Variants in REDIC1 observed in about 807,000 individuals in gnomAD.
REDIC1 encodes the protein regulator of DNA class I crossover intermediates 1, also known as HEI10 Interacting Protein 1.
At chr12:39,626,317 G>A in the REDIC1 span, 3 of 1,614,076 alleles carry the variant, frequency 1.9e-6, no homozygotes, top group Non-Finnish European at 2.5e-6. Context: ...AGGGACCTCA[G>A]TGTCAAAAGA....
At chr12:39,769,870 G>A in the REDIC1 span, among the ~76,000 whole-genome samples, 2 of 151,980 alleles carry the variant, frequency 1.3e-5, no homozygotes, top group African/African-American at 4.8e-5. Context: ...CACCCTCCCA[G>A]ATGCTGGCTA....
chr12:39,856,408 C>T, the REDIC1 span, among the ~76,000 whole-genome samples: 7 of 152,100 alleles, frequency 4.6e-5, no homozygotes, highest in Non-Finnish European at 1.0e-4. Context: ...CTCACTCTGT[C>T]GCCAGGCTGG....
chr12:39,682,814 ACT>A, the REDIC1 span: 2 of 1,612,320 alleles, frequency 1.2e-6, no homozygotes, highest in Non-Finnish European at 1.7e-6. Context: ...GAGAATTGTG[ACT>A]CTTTTGTTAG....
chr12:39,892,497 A>G, the REDIC1 span, among the ~76,000 whole-genome samples: 38 of 152,216 alleles, frequency 2.5e-4, no homozygotes, highest in Non-Finnish European at 4.3e-4. Context: ...CTGACGCTTA[A>G]CCGAACTTTA....
the REDIC1 span, among the ~76,000 whole-genome samples, chr12:39,715,191 T>G: frequency 6.6e-6 from 1 of 152,052 alleles, no homozygotes; most frequent in Non-Finnish European, 1.5e-5. Context: ...TTTTTATAAT[T>G]TCAAGTCTTA....
chr12:39,900,423 G>A, the REDIC1 span, among the ~76,000 whole-genome samples: 3 of 152,028 alleles, frequency 2.0e-5, no homozygotes, highest in South Asian at 2.1e-4. Flanking sequence ...TGACATGATC[G>A]TATATCTAGA....
chr12:39,781,404 T>A, the REDIC1 span, among the ~76,000 whole-genome samples: 1 of 152,058 alleles, frequency 6.6e-6, no homozygotes, highest in African/African-American at 2.4e-5. Flanking sequence ...CCCTCCAGCC[T>A]TCCACAGCAC....
the REDIC1 span, among the ~76,000 whole-genome samples, chr12:39,898,059 G>C: frequency 7.9e-5 from 12 of 152,008 alleles, no homozygotes; most frequent in Non-Finnish European, 1.6e-4. Context: ...TCATTATATT[G>C]AGGAGGCTTT....
chr12:39,823,793 C>T, the REDIC1 span, among the ~76,000 whole-genome samples: 30 of 152,102 alleles, frequency 2.0e-4, no homozygotes, highest in Non-Finnish European at 2.9e-4. Flanking sequence ...AGTATGGCTC[C>T]AAGCAATATT....
the REDIC1 span, among the ~76,000 whole-genome samples, chr12:39,846,771 C>T: frequency 6.6e-6 from 1 of 152,116 alleles, no homozygotes; most frequent in African/African-American, 2.4e-5. Flanking sequence ...TTGTTTAAGC[C>T]TCAGTGTCAC....
the REDIC1 span, among the ~76,000 whole-genome samples, chr12:39,792,803 G>GAA: frequency 0.021 from 3,193 of 149,270 alleles, 97 homozygotes; most frequent in East Asian, 0.094. Flanking sequence ...TGTATTTAAT[G>GAA]AAAAAAAAAA....
At chr12:39,759,991 T>C in the REDIC1 span, 526 of 1,541,006 alleles carry the variant, frequency 3.4e-4, 1 homozygote, top group African/African-American at 6.4e-3. Flanking sequence ...TCCCCCCAGT[T>C]TGTTTAAATA....
At chr12:39,819,455 C>T in the REDIC1 span, among the ~76,000 whole-genome samples, 3 of 152,098 alleles carry the variant, frequency 2.0e-5, no homozygotes, top group Non-Finnish European at 4.4e-5. Flanking sequence ...TAGTTTACTA[C>T]AAACTTTTAT....
chr12:39,764,289 CTT>C, the REDIC1 span, among the ~76,000 whole-genome samples: 1 of 152,042 alleles, frequency 6.6e-6, no homozygotes, highest in South Asian at 2.1e-4. Context: ...GAATCCCTCT[CTT>C]CTTTCCCAGA....
chr12:39,812,575 C>T, the REDIC1 span, among the ~76,000 whole-genome samples: 12 of 151,788 alleles, frequency 7.9e-5, no homozygotes, highest in Non-Finnish European at 1.6e-4. Context: ...GAGATTCAAG[C>T]GATTCTCCTG....
the REDIC1 span, among the ~76,000 whole-genome samples, chr12:39,649,108 A>G: frequency 6.6e-6 from 1 of 151,860 alleles, no homozygotes; most frequent in Non-Finnish European, 1.5e-5. Context: ...ATCTCTATTT[A>G]ACTTTCTTGT....
At chr12:39,785,472 G>A in the REDIC1 span, among the ~76,000 whole-genome samples, 1 of 152,222 alleles carries the variant, frequency 6.6e-6, no homozygotes, top group East Asian at 1.9e-4. Flanking sequence ...GCAAAAGTTT[G>A]CTGCAGGGGC....
the REDIC1 span, among the ~76,000 whole-genome samples, chr12:39,712,463 CGTAT>C: frequency 9.5e-6 from 1 of 105,324 alleles, no homozygotes; most frequent in Non-Finnish European, 2.0e-5. Context: ...CGTATATATA[CGTAT>C]GTATATATAC....
chr12:39,714,124 T>C, the REDIC1 span, among the ~76,000 whole-genome samples: 5 of 150,648 alleles, frequency 3.3e-5, no homozygotes, highest in African/African-American at 1.2e-4. Context: ...CGTGTATATG[T>C]ATATATGTAC....
Sources: allele counts gnomAD v4.1 joint callset (sites outside exome capture counted in the v4.1 genomes callset), GRCh38; gene constraint gnomAD v4.1.1; transcripts MANE v1.5; gene names NCBI Gene and HGNC (gene_info 2026-07-23, HGNC 2026-07-21).